Variants in RBM19 observed in about 807,000 individuals in gnomAD.
RBM19 encodes RNA binding motif protein 19, also known as probable RNA-binding protein 19.
A neutral mutation model predicts 116.8 loss-of-function variants in RBM19; 94 were observed. The observed-to-expected ratio is 0.80, with a 90% CI of 0.68 to 0.95. The LOEUF (loss-of-function observed/expected upper bound fraction) is 0.95, where lower values mean the gene tolerates loss of function less well. RBM19 is among the 40% of genes least tolerant of loss of function. The pLI, the probability that RBM19 is intolerant of heterozygous loss-of-function variation, is 0.00. For missense variants in RBM19, 1,161 were observed against 1,220.7 expected, an observed-to-expected ratio of 0.95 and a Z score of 0.73; for synonymous variants, 475 against 494.1, an observed-to-expected ratio of 0.96 and a Z score of 0.51.
chr12:113,925,726 G>T (rs922032), intron 17 of RBM19, among the ~76,000 whole-genome samples: 8 of 152,052 alleles, frequency 5.3e-5, no homozygotes, highest in African/African-American at 1.9e-4. Context: ...GAACTAGGTC[G>T]TCTTGGCTAT....
At chr12:113,885,321 A>G (rs971186580) in intron 21 of RBM19, among the ~76,000 whole-genome samples, 14 of 152,212 alleles carry the variant, frequency 9.2e-5, no homozygotes, top group South Asian at 6.2e-4. Flanking sequence ...CACAAACCCA[A>G]TCGGGGAACT....
chr12:113,920,904 C>G (rs1438057984), intron 18 of RBM19, among the ~76,000 whole-genome samples: 2 of 152,126 alleles, frequency 1.3e-5, no homozygotes, highest in Non-Finnish European at 2.9e-5. Context: ...CACCTGAGGC[C>G]CATTTGACTA....
In RBM19 at chr12:113,903,015, T is replaced by C. The variant is rs1408501396; in HGVS notation, c.2558+11954A>G. ...CACAGCCAATTTTAGAAGATTTTCATTACCTCACACAGAAGTCCTGTACCC... is the reference window on the plus strand; with the variant it reads ...CACAGCCAATTTTAGAAGATTTTCACTACCTCACACAGAAGTCCTGTACCC... On this transcript the variant is annotated intron_variant, in intron 21 of 23. Transcript: ENST00000261741. The surrounding 1 kb of genome is among the most constrained non-coding windows in gnomAD (Gnocchi z 5.1). Among the ~76,000 whole-genome samples, 1 of 152,164 alleles carries C rather than the reference T, an allele frequency of 6.6e-6. No homozygotes were observed. The highest frequency in any genetic ancestry group is 1.5e-5 in the Non-Finnish European group (1 of 68,036).
At position 113,912,684 on chromosome 12, in the gene RBM19, C is replaced by T. The variant is rs533392119; in HGVS notation, c.2558+2285G>A. 1.7e-4 allele frequency among the ~76,000 whole-genome samples: 26 copies of T among 152,304 alleles called. No homozygotes were observed. In the South Asian group the frequency reaches 4.1e-3, roughly 24 times the overall value. On this transcript the variant is annotated intron_variant, in intron 21 of 23. Coordinates refer to ENST00000261741, the MANE Select transcript of RBM19 (RefSeq NM_016196.4). ...AGCTCAGAGCCCCGCACACAGCAAGCGTGTAATAAAAGGGAGTTGTGATTT... is the reference window on the plus strand; with the variant it reads ...AGCTCAGAGCCCCGCACACAGCAAGTGTGTAATAAAAGGGAGTTGTGATTT...
At chr12:113,840,906 C>T (rs4767142) in intron 23 of RBM19, among the ~76,000 whole-genome samples, 15,245 of 152,274 alleles carry the variant, frequency 0.1, 893 homozygotes, top group South Asian at 0.13. Context: ...CCTATACCCC[C>T]GTAAGCTGCC....
At chr12:113,875,780 C>T (rs939083312) in intron 21 of RBM19, among the ~76,000 whole-genome samples, 3 of 152,198 alleles carry the variant, frequency 2.0e-5, no homozygotes, top group Non-Finnish European at 4.4e-5. Context: ...GCAAAGTTCA[C>T]GCAGAGGGAA....
intron 1 of RBM19, among the ~76,000 whole-genome samples, chr12:113,963,164 AC>A (rs1283038113): frequency 1.4e-4 from 21 of 152,240 alleles, no homozygotes; most frequent in African/African-American, 5.1e-4. Flanking sequence ...AGGATTTCTG[AC>A]CTGCAAAACT....
Position 113,872,428 on chromosome 12 carries a change from G to A in RBM19, c.2559-13532C>T, listed in dbSNP as rs1280809705. ...AGCCCTCCGCCCGGCCAGCCGCCCC[G>A]TCTGGGAGGTGAGGGGCGCCTCTGC... On this transcript the variant is annotated intron_variant, in intron 21 of 23. Coordinates refer to ENST00000261741, the MANE Select transcript of RBM19 (RefSeq NM_016196.4). Among the ~76,000 whole-genome samples, 748 of 145,242 alleles carry A rather than the reference G, an allele frequency of 5.2e-3. 7 individuals are homozygous for A. The highest frequency in any genetic ancestry group is 0.018 in the African/African-American group (698 of 39,448).
chr12:113,951,682 T>C (rs757880371), intron 8 of RBM19, among the ~76,000 whole-genome samples: 1 of 152,120 alleles, frequency 6.6e-6, no homozygotes, highest in Admixed American at 6.5e-5. Flanking sequence ...AGGAGAAGGA[T>C]GGGTGGCTGA....
Position 113,844,686 on chromosome 12 carries a change from T to A in RBM19, c.2767A>T (p.Thr923Ser). 6.2e-7 allele frequency: 1 copy of A among 1,611,388 alleles called. No individual in the cohort carries two copies. The highest frequency in any genetic ancestry group is 2.2e-5 in the East Asian group (1 of 44,802). Residue 923 changes from threonine to serine, a missense_variant, in exon 23 of 24, where the codon ACG becomes TCG. Coordinates refer to ENST00000261741, the MANE Select transcript of RBM19 (RefSeq NM_016196.4). ...EVTLQALRRK[T>S]AAHFHEPPKK... is the part of the protein sequence containing the mutation. ...CTCCTACCGTGAAAGTGAGCGGCCG[T>A]CTTCCGCCGCAGGGCCTGCAGGGTC...
intron 23 of RBM19, among the ~76,000 whole-genome samples, chr12:113,831,565 C>T (rs370065919): frequency 3.3e-5 from 5 of 152,290 alleles, no homozygotes; most frequent in Admixed American, 6.5e-5. Flanking sequence ...ATTCCGTGAT[C>T]GATGAGGAAG....
intron 12 of RBM19, among the ~76,000 whole-genome samples, 164 bp from the exon 13 acceptor site, chr12:113,946,088 G>A (rs146180344): frequency 2.6e-5 from 4 of 152,294 alleles, no homozygotes; most frequent in South Asian, 2.1e-4. Flanking sequence ...ACAACAAGAC[G>A]GATGATGACA....
intron 8 of RBM19, among the ~76,000 whole-genome samples, chr12:113,951,521 C>A (rs958276188): frequency 1.3e-4 from 18 of 142,878 alleles, no homozygotes; most frequent in African/African-American, 5.2e-4. Context: ...GTTTACCTGA[C>A]TGCACACACA....
At chr12:113,902,145 G>A (rs963364752) in intron 21 of RBM19, among the ~76,000 whole-genome samples, 32 of 152,138 alleles carry the variant, frequency 2.1e-4, no homozygotes, top group African/African-American at 7.7e-4. Context: ...GCGGTCATTT[G>A]CATGTATGTA....
chr12:113,915,725 G>A (rs969122382), intron 20 of RBM19, among the ~76,000 whole-genome samples: 2 of 152,184 alleles, frequency 1.3e-5, no homozygotes, highest in Non-Finnish European at 2.9e-5. Flanking sequence ...TGGCCGCTCT[G>A]GGCCTCCATT....
At chr12:113,877,762 G>A (rs1217048376) in intron 21 of RBM19, among the ~76,000 whole-genome samples, 3 of 152,192 alleles carry the variant, frequency 2.0e-5, no homozygotes, top group South Asian at 2.1e-4. Flanking sequence ...TCCAAGTTGG[G>A]TTTGGTTCTC....
intron 21 of RBM19, among the ~76,000 whole-genome samples, chr12:113,904,016 T>C (rs1881880981): frequency 6.6e-6 from 1 of 152,100 alleles, no homozygotes. Flanking sequence ...TTTTTTGAAA[T>C]AAAAAGATAT....
At chr12:113,864,416 G>T (rs1299494281) in intron 21 of RBM19, among the ~76,000 whole-genome samples, 1 of 152,176 alleles carries the variant, frequency 6.6e-6, no homozygotes, top group Non-Finnish European at 1.5e-5. Context: ...ACTGATAAAG[G>T]TATAGAGCTG....
intron 17 of RBM19, among the ~76,000 whole-genome samples, chr12:113,925,788 T>A (rs1243773301): frequency 6.6e-6 from 1 of 152,210 alleles, no homozygotes; most frequent in Non-Finnish European, 1.5e-5. Flanking sequence ...GGGCTGCTGT[T>A]TGAGTGCATC....
Sources: allele counts gnomAD v4.1 joint callset (sites outside exome capture counted in the v4.1 genomes callset), GRCh38; gene constraint gnomAD v4.1.1; non-coding constraint Gnocchi (gnomAD v3.1); transcripts MANE v1.5; gene names NCBI Gene and HGNC (gene_info 2026-07-23, HGNC 2026-07-21).